Variants in ADGRF5 observed in about 807,000 individuals in gnomAD.
ADGRF5 encodes the protein adhesion G protein-coupled receptor F5, also known as G-protein coupled receptor 116.
A neutral mutation model predicts 132.3 loss-of-function variants in ADGRF5; 75 were observed. The observed-to-expected ratio is 0.57, with a 90% CI of 0.47 to 0.69. The LOEUF is 0.69. Among genes scored for constraint, ADGRF5 ranks in the 30% least tolerant of loss-of-function variants. The probability of loss-of-function intolerance (pLI) is 0.00; values close to 1 mark genes in which losing one functional copy is unlikely to be tolerated. For synonymous variants in ADGRF5, 629 were observed against 597.6 expected, an observed-to-expected ratio of 1.05 and a Z score of -0.77; for missense variants, 1,516 against 1,630.6, an observed-to-expected ratio of 0.93 and a Z score of 1.21.
chr6:46,912,372 A>G (rs559615283), intron 1 of ADGRF5, among the ~76,000 whole-genome samples: 1 of 152,164 alleles, frequency 6.6e-6, no homozygotes, highest in Non-Finnish European at 1.5e-5. Context: ...AGATGGTTCT[A>G]GGTGGAAAAA....
At position 46,852,580 on chromosome 6, in the gene ADGRF5, A is replaced by G. The variant is rs1359091425; in HGVS notation, c.*1412T>C. 2 of 152,070 alleles carry G rather than the reference A, an allele frequency of 1.3e-5. No individual in the cohort carries two copies. The highest frequency in any genetic ancestry group is 1.3e-4 in the Admixed American group (2 of 15,260). The allele number at this position is 152,070 out of a possible 1,614,324, so 9.4% of individuals were successfully genotyped here. ...TTGCTGTATCAATAGTACATGGTTAACTCTAATATGCGTGCAATTTTCATA... is the reference window on the plus strand; with the variant it reads ...TTGCTGTATCAATAGTACATGGTTAGCTCTAATATGCGTGCAATTTTCATA... On this transcript the variant is annotated 3_prime_UTR_variant, in exon 21 of 21. Coordinates refer to ENST00000283296, the MANE Select transcript of ADGRF5 (RefSeq NM_001098518.2).
At chr6:46,868,696 T>C (rs1382350474) in intron 12 of ADGRF5, among the ~76,000 whole-genome samples, 187 bp downstream of exon 12, 1 of 152,230 alleles carries the variant, frequency 6.6e-6, no homozygotes, top group Non-Finnish European at 1.5e-5. Flanking sequence ...GCATATTTAC[T>C]TTATCTGTAA....
At position 46,871,991 on chromosome 6, in the gene ADGRF5, A is replaced by T; in HGVS notation, c.1263T>A (p.Asp421Glu). 1 of 1,608,426 alleles carries T rather than the reference A, an allele frequency of 6.2e-7. No homozygotes were observed. Among genetic ancestry groups the T allele is most frequent in the Non-Finnish European group, 8.5e-7 (1 of 1,175,986 alleles). Reference sequence around the variant, plus strand: ...TGAGGGTGTATCTGCTGCAGCTAGAATCTATGTCTGTCTCAGGGGTTCCTA... The same window carrying T: ...TGAGGGTGTATCTGCTGCAGCTAGATTCTATGTCTGTCTCAGGGGTTCCTA... ...NIPGTPETDI[D>E]SSCSRYTLKA... Residue 421 changes from aspartate to glutamate, a missense_variant, in exon 11 of 21, where the codon GAT becomes GAA. Around this residue, in one of 2 missense-constraint regions of ADGRF5, gnomAD observed 945 missense variants for 929.4 expected, o/e 1.02. Coordinates refer to ENST00000283296, the MANE Select transcript of ADGRF5 (RefSeq NM_001098518.2).
intron 1 of ADGRF5, among the ~76,000 whole-genome samples, chr6:46,909,673 C>T (rs1775742707): frequency 6.6e-6 from 1 of 152,120 alleles, no homozygotes; most frequent in Non-Finnish European, 1.5e-5. Flanking sequence ...TTCTTACAAC[C>T]CTTAGAAACA....
At chr6:46,893,289 G>A (rs1258623901) in intron 3 of ADGRF5, among the ~76,000 whole-genome samples, 1 of 151,942 alleles carries the variant, frequency 6.6e-6, no homozygotes, top group Non-Finnish European at 1.5e-5. Flanking sequence ...ACTTGAAATT[G>A]GGTCATTTCT....
rs67565937 is a variant in ADGRF5, at chr6:46,862,703, C to CTTTTTTTTTTTTTTTTTTTT, written c.2199+165_2199+184dup. On this transcript the variant is annotated intron_variant, in intron 15 of 20. Coordinates refer to ENST00000283296, the MANE Select transcript of ADGRF5 (RefSeq NM_001098518.2). ...AGTTGTCTTAGTATTTGAATTGAGG[C>CTTTTTTTTTTTTTTTTTTTT]TTTTTTTTTTTTTTTTTTTTTTTTT... Among the ~76,000 whole-genome samples the CTTTTTTTTTTTTTTTTTTTT allele has an allele frequency of 8.0e-3, 213 of 26,510 alleles. 33 individuals carry two copies. The highest frequency in any genetic ancestry group is 0.011 in the East Asian group (6 of 522). The allele number at this position is 26,510 out of a possible 152,430, so 17.4% of individuals were successfully genotyped here.
chr6:46,877,204 G>A (rs1474277810), intron 10 of ADGRF5, among the ~76,000 whole-genome samples: 1 of 151,890 alleles, frequency 6.6e-6, no homozygotes, highest in East Asian at 1.9e-4. Context: ...AAGACCTTTG[G>A]TGAGTCCTAA....
At chr6:46,893,226 C>G (rs1290366079) in intron 3 of ADGRF5, among the ~76,000 whole-genome samples, 3 of 152,016 alleles carry the variant, frequency 2.0e-5, no homozygotes, top group Non-Finnish European at 4.4e-5. Context: ...GATAGCAACC[C>G]TCTTGGCTTG....
At chr6:46,922,071 C>T (rs1241384783), upstream of ADGRF5, 1 of 152,218 alleles carries the variant, frequency 6.6e-6, no homozygotes, top group African/African-American at 2.4e-5. Context: ...ACCTCTCCAC[C>T]AAGTGGACAG....
At chr6:46,920,967 C>A (rs774148532) in intron 1 of ADGRF5, among the ~76,000 whole-genome samples, 19 of 152,156 alleles carry the variant, frequency 1.2e-4, no homozygotes, top group Non-Finnish European at 2.6e-4. Context: ...CATTGAAAAA[C>A]CAACTACGTT....
In ADGRF5 at chr6:46,900,045, C is replaced by G; in HGVS notation, c.141G>C (p.Leu47=). 1 of 1,612,512 alleles carries G rather than the reference C, an allele frequency of 6.2e-7. No homozygotes were observed. Among genetic ancestry groups the G allele is most frequent in the Admixed American group, 1.7e-5 (1 of 60,020 alleles). ...HEHEPAGEEA[L]RQKRAVATKS... is the part of the protein sequence containing the mutation. Reference sequence around the variant, plus strand: ...TTTACATACCGGCTCGTTTTTGCCTCAGTGCCTCTTCACCAGCTGGTTCAT... The same window carrying G: ...TTTACATACCGGCTCGTTTTTGCCTGAGTGCCTCTTCACCAGCTGGTTCAT... Residue 47 remains leucine (L), a synonymous_variant, in exon 3 of 21, where the codon CTG becomes CTC. Transcript: ENST00000283296.
intron 5 of ADGRF5, 51 bp downstream of exon 5, chr6:46,884,043 TA>T: frequency 6.9e-7 from 1 of 1,451,172 alleles, no homozygotes; most frequent in Non-Finnish European, 9.6e-7. Context: ...TGCCCAGTCG[TA>T]AACTGATGTT....
At chr6:46,935,238 C>T (rs563216862) in intron 1 of ADGRF5, among the ~76,000 whole-genome samples, 7 of 152,066 alleles carry the variant, frequency 4.6e-5, no homozygotes, top group South Asian at 4.2e-4. Context: ...CTCCTGACCT[C>T]GTGATCCACC....
In ADGRF5 at chr6:46,854,053, G is replaced by T. The variant is rs1056995384; in HGVS notation, c.3980C>A (p.Thr1327Asn). ...CAGGGATGAGCTGGTTGCTTCTGGG[G>T]TGGAAACATTATACGTTCCTGAAAA... ...FGKTGTYNVS[T>N]PEATSSSLEN... Residue 1327 changes from threonine to asparagine, a missense_variant, in exon 21 of 21, where the codon ACC (threonine) becomes AAC (asparagine). Thr to Asn is a moderately conservative substitution (Grantham distance 65). Transcript: ENST00000283296. 6.2e-7 allele frequency: 1 copy of T among 1,602,704 alleles called. No homozygotes were observed. The highest frequency in any genetic ancestry group is 8.5e-7 in the Non-Finnish European group (1 of 1,176,044).
chr6:46,947,798 A>G (rs1778354164), intron 1 of ADGRF5, among the ~76,000 whole-genome samples: 1 of 152,244 alleles, frequency 6.6e-6, no homozygotes, highest in African/African-American at 2.4e-5. Context: ...AAAGGGCTAC[A>G]GCACATTTTC....
At chr6:46,889,923 A>G (rs916046578) in intron 3 of ADGRF5, among the ~76,000 whole-genome samples, 1 of 151,814 alleles carries the variant, frequency 6.6e-6, no homozygotes, top group African/African-American at 2.4e-5. Flanking sequence ...CAAAGAGCTC[A>G]CCACATTATA....
At chr6:46,895,530 G>T (rs894991349) in intron 3 of ADGRF5, among the ~76,000 whole-genome samples, 2 of 151,170 alleles carry the variant, frequency 1.3e-5, no homozygotes, top group African/African-American at 4.9e-5. Context: ...CTGCAGAAAG[G>T]GCAGGATTTC....
chr6:46,899,657 T>C (rs1774535046), intron 3 of ADGRF5, among the ~76,000 whole-genome samples: 1 of 117,774 alleles, frequency 8.5e-6, no homozygotes, highest in Admixed American at 8.1e-5. Flanking sequence ...GTAAAAGAAG[T>C]TTTTTTTTTT....
intron 1 of ADGRF5, among the ~76,000 whole-genome samples, chr6:46,950,645 G>T (rs1323841826): frequency 6.6e-6 from 1 of 152,162 alleles, no homozygotes; most frequent in African/African-American, 2.4e-5. Flanking sequence ...CTCCTGAGTA[G>T]CTGGGACTAC....
Sources: allele counts gnomAD v4.1 joint callset (sites outside exome capture counted in the v4.1 genomes callset), GRCh38; gene constraint gnomAD v4.1.1; regional missense constraint gnomAD v4.1.1; transcripts MANE v1.5; gene names NCBI Gene and HGNC (gene_info 2026-07-23, HGNC 2026-07-21).